The following PCDHA8 variants were observed in gnomAD, a reference collection of about 807,000 sequenced individuals.
The protein encoded by PCDHA8 is protocadherin alpha-8.
PCDHA8 carries 53 observed loss-of-function variants against 61.8 expected under a neutral mutation model. The ratio of observed to expected loss-of-function variants is 0.86; its 90% CI spans 0.69 to 1.08. The LOEUF is 1.08. Among genes scored for constraint, PCDHA8 ranks in the 50% least tolerant of loss-of-function variants. PCDHA8 has a pLI of 0.00. For synonymous variants in PCDHA8, 618 were observed against 556.6 expected, an observed-to-expected ratio of 1.11 and a Z score of -1.55; for missense variants, 1,293 against 1,245.0, an observed-to-expected ratio of 1.04 and a Z score of -0.58.
At chr5:140,974,647 G>GATT (rs2096635431) in intron 1 of PCDHA8, among the ~76,000 whole-genome samples, 1 of 152,068 alleles carries the variant, frequency 6.6e-6, no homozygotes, top group African/African-American at 2.4e-5. Context: ...GAGTAGCTGA[G>GATT]ATTACAGGCA....
At chr5:140,943,024 A>C (rs2093406550) in intron 1 of PCDHA8, among the ~76,000 whole-genome samples, 1 of 152,102 alleles carries the variant, frequency 6.6e-6, no homozygotes, top group Admixed American at 6.6e-5. Context: ...TGGGAGGCTG[A>C]GGTGGGTGGA....
At chr5:140,946,277 AT>A (rs1554217463) in intron 1 of PCDHA8, among the ~76,000 whole-genome samples, 1 of 152,068 alleles carries the variant, frequency 6.6e-6, no homozygotes, top group Non-Finnish European at 1.5e-5. Flanking sequence ...TAAAACCCCA[AT>A]GAGATATCAC....
Position 140,851,361 on chromosome 5 carries a change from A to G in PCDHA8, c.2394+7646A>G, listed in dbSNP as rs1342409970. The G allele has an allele frequency of 6.1e-6, 6 of 978,064 alleles. No individual in the cohort carries two copies. In the African/African-American group the frequency reaches 8.8e-5, roughly 14 times the overall value. The allele number at this position is 978,064 out of a possible 1,614,324, so 60.6% of individuals were successfully genotyped here. On this transcript the variant is annotated intron_variant, in intron 1 of 3. Coordinates refer to ENST00000531613, the MANE Select transcript of PCDHA8 (RefSeq NM_018911.3). Reference sequence around the variant, plus strand: ...ACATTTCTCTGGATGGAGACTGTGAACATCTGATTGTTCAGCAACCTTCAG... The same window carrying G: ...ACATTTCTCTGGATGGAGACTGTGAGCATCTGATTGTTCAGCAACCTTCAG...
intron 2 of PCDHA8, among the ~76,000 whole-genome samples, chr5:140,981,928 T>A (rs141616160): frequency 6.6e-6 from 1 of 152,202 alleles, no homozygotes; most frequent in African/African-American, 2.4e-5. Context: ...GTTTCTCTAG[T>A]CTCAGGAAAT....
chr5:140,941,467 C>G (rs1290341607), intron 1 of PCDHA8, among the ~76,000 whole-genome samples: 4 of 151,456 alleles, frequency 2.6e-5, no homozygotes, highest in Non-Finnish European at 5.9e-5. Context: ...AGGCGCCCAC[C>G]ACCACGCCTG....
In PCDHA8 at chr5:140,912,343, A is replaced by T. The variant is rs547543923; in HGVS notation, c.2395-66606A>T. Among the ~76,000 whole-genome samples, 324 of 143,902 alleles carry T rather than the reference A, an allele frequency of 2.3e-3. 1 individual carries two copies. The highest frequency in any genetic ancestry group is 7.8e-3 in the African/African-American group (308 of 39,358). 94.4% of individuals were successfully genotyped at this position (143,902 alleles called of 152,430 possible). A position where few individuals can be genotyped will look rare whatever the true frequency, so the allele number is the denominator to read the frequency against. On this transcript the variant is annotated intron_variant, in intron 1 of 3. Transcript: ENST00000531613. ...CTCAGTATTAACCAGTACACTAAGT[A>T]TTTTTTTTTTTTTTTGCAGCTGTTG... is the stretch of plus-strand genomic sequence containing the variant.
rs2150351494 is a variant in PCDHA8, at chr5:140,843,064, G to T, written c.1743G>T (p.Val581=). 1.3e-6 allele frequency: 2 copies of T among 1,595,268 alleles called. No homozygotes were observed. Among genetic ancestry groups the T allele is most frequent in the Non-Finnish European group, 1.7e-6 (2 of 1,165,284 alleles). ...CTGGTGGCGCAGCGAGCAAGCTGGT[G>T]CCGCGGTCTGTGGGCGCGGGCCACG... is the stretch of plus-strand genomic sequence containing the variant. ...GGTGGAASKL[V]PRSVGAGHVV... The change falls in exon 1 of 4, where the codon GTG becomes GTT. Residue 581 remains valine (V), a synonymous_variant. Coordinates refer to ENST00000531613, the MANE Select transcript of PCDHA8 (RefSeq NM_018911.3).
intron 1 of PCDHA8, chr5:140,863,371 C>A: frequency 2.6e-6 from 3 of 1,169,148 alleles, no homozygotes; most frequent in Non-Finnish European, 3.7e-6. Context: ...CTTGGCGCAG[C>A]TCACCGAGAG....
At chr5:140,991,691 A>G (rs2153897191) in intron 3 of PCDHA8, among the ~76,000 whole-genome samples, 1 of 152,286 alleles carries the variant, frequency 6.6e-6, no homozygotes, top group Middle Eastern at 3.4e-3. Flanking sequence ...TCTCTAGTAG[A>G]GCCATTAATA....
intron 1 of PCDHA8, among the ~76,000 whole-genome samples, chr5:140,974,181 A>G (rs1361812242): frequency 3.9e-5 from 6 of 152,226 alleles, no homozygotes; most frequent in Non-Finnish European, 8.8e-5. Context: ...TAACTTGACA[A>G]ATGCAAAGGA....
At chr5:140,883,324 C>A (rs782213205) in intron 1 of PCDHA8, 1 of 1,614,166 alleles carries the variant, frequency 6.2e-7, no homozygotes, top group Non-Finnish European at 8.5e-7. Context: ...AGGTTACCAT[C>A]ACTTCTTTGT....
intron 1 of PCDHA8, chr5:140,966,752 C>T (rs1013247328): frequency 3.5e-6 from 5 of 1,432,026 alleles, no homozygotes; most frequent in Non-Finnish European, 4.6e-6. Flanking sequence ...GCTGCCTCCG[C>T]CGCGGCCAGT....
chr5:141,010,063 G>C lies in PCDHA8; in HGVS notation c.*126G>C, dbSNP rs1393265789. ...CTCTTAGAGACCTCAGAAATCTGCA[G>C]AAAGTTCCCTGTGTCTGTCTAGAAC... On this transcript the variant is annotated 3_prime_UTR_variant, in exon 4 of 4. Transcript: ENST00000531613. 31 of 1,602,790 alleles carry C rather than the reference G, an allele frequency of 1.9e-5. No individual in the cohort carries two copies. The highest frequency in any genetic ancestry group is 2.6e-5 in the Non-Finnish European group (31 of 1,174,498).
intron 1 of PCDHA8, chr5:140,884,342 G>T (rs782616190): frequency 6.2e-7 from 1 of 1,613,902 alleles, no homozygotes; most frequent in Admixed American, 1.7e-5. Flanking sequence ...TCCAGAAGCG[G>T]CGCTGGTGGA....
intron 1 of PCDHA8, chr5:140,870,456 G>T (rs782212198): frequency 6.2e-7 from 1 of 1,614,230 alleles, no homozygotes. Context: ...ACGACAATGC[G>T]CCTGCGTTCG....
intron 3 of PCDHA8, among the ~76,000 whole-genome samples, chr5:140,983,425 C>A (rs1252010683): frequency 6.6e-6 from 1 of 152,198 alleles, no homozygotes; most frequent in Non-Finnish European, 1.5e-5. Context: ...GTAGAGACCA[C>A]AAATTGTGTC....
chr5:140,895,174 A>T (rs1554186407), intron 1 of PCDHA8, among the ~76,000 whole-genome samples: 2 of 152,150 alleles, frequency 1.3e-5, no homozygotes, highest in African/African-American at 4.8e-5. Context: ...ATCTATTTGT[A>T]GTCCCTTCTG....
chr5:140,854,108 AC>A lies in PCDHA8; in HGVS notation c.2394+10394del, dbSNP rs1233972098. The A allele has an allele frequency of 1.0e-4, 31 of 299,428 alleles. 3 individuals are homozygous for A. Among genetic ancestry groups the A allele is most frequent in the Non-Finnish European group, 1.4e-4 (30 of 208,480 alleles). The allele number at this position is 299,428 out of a possible 1,614,324, so 18.5% of individuals were successfully genotyped here. A position where few individuals can be genotyped will look rare whatever the true frequency, so the allele number is the denominator to read the frequency against. On this transcript the variant is annotated intron_variant, in intron 1 of 3. Transcript: ENST00000531613. ...GCCTGGGACATTGAGGCTGCAGTGA[AC>A]TGTGATGGCACAACTGCATTTCAGC...
chr5:140,895,603 T>C (rs2065070404), intron 1 of PCDHA8, among the ~76,000 whole-genome samples: 1 of 152,156 alleles, frequency 6.6e-6, no homozygotes, highest in African/African-American at 2.4e-5. Context: ...TTTGCAAAGA[T>C]TTTCTCATTG....
Sources: gnomAD v4.1 joint callset for allele counts (sites outside exome capture counted in the v4.1 genomes callset) on GRCh38, gnomAD v4.1.1 for gene constraint, MANE v1.5 for transcripts, NCBI Gene and HGNC (gene_info 2026-07-23, HGNC 2026-07-21) for gene names.